The following UTP4 variants were observed in gnomAD, a reference collection of about 807,000 sequenced individuals.
The protein encoded by UTP4 is UTP4 small subunit processome component.
A neutral mutation model predicts 82.4 loss-of-function variants in UTP4; 45 were observed. The ratio of observed to expected loss-of-function variants is 0.55; its 90% CI spans 0.43 to 0.70. The LOEUF (loss-of-function observed/expected upper bound fraction) is 0.70. Among genes scored for constraint, UTP4 ranks in the 30% least tolerant of loss-of-function variants. The probability of loss-of-function intolerance (pLI) is 0.00; values close to 1 mark genes in which losing one functional copy is unlikely to be tolerated. For synonymous variants in UTP4, 348 were observed against 300.3 expected (o/e 1.16, Z -1.64); for missense variants, 819 against 858.3 (o/e 0.95, Z 0.57).
Position 69,143,233 on chromosome 16 carries a change from G to A in UTP4, c.582G>A (p.Arg194=), listed in dbSNP as rs1428981088. Residue 194 remains arginine, a synonymous_variant, in exon 6 of 17, where the codon CGG becomes CGA. Transcript: ENST00000314423. ...VDRQYMGVSK[R]KCIVWGVAFL... ...GGCAGTATATGGGCGTGTCTAAGCG[G>A]AAGTGCATCGTGTGGGGTGTCGCCT... 2 of 1,614,244 alleles carry A rather than the reference G, an allele frequency of 1.2e-6. No individual in the cohort carries two copies. Among genetic ancestry groups the A allele is most frequent in the East Asian group, 4.5e-5 (2 of 44,890 alleles).
rs189588544 is a variant in UTP4, at chr16:69,153,517, T to C, written c.1003-67T>C. 9.0e-3 allele frequency: 9,798 copies of C among 1,085,230 alleles called. 73 individuals carry two copies. Among genetic ancestry groups the C allele is most frequent in the Non-Finnish European group, 0.012 (8,428 of 709,676 alleles). 67.2% of individuals were successfully genotyped at this position (1,085,230 alleles called of 1,614,324 possible). On this transcript the variant is annotated intron_variant, in intron 8 of 16. Coordinates refer to ENST00000314423, the MANE Select transcript of UTP4 (RefSeq NM_032830.3). Reference sequence around the variant, plus strand: ...AAAAAATGTGCTAAGGTGGTGCTACTGTATCTGGTACTAAGGCAGTAGATG... The same window carrying C: ...AAAAAATGTGCTAAGGTGGTGCTACCGTATCTGGTACTAAGGCAGTAGATG...
rs78255394 is a variant in UTP4 at position 69,152,869 on chromosome 16, G to A, written c.1003-715G>A. Reference sequence around the variant, plus strand: ...AAACTCCTGGTCTCAAGCAATCCTCGCACCTCAGCCTCTCGATTGCTGGCA... The same window carrying A: ...AAACTCCTGGTCTCAAGCAATCCTCACACCTCAGCCTCTCGATTGCTGGCA... On this transcript the variant is annotated intron_variant, in intron 8 of 16. Coordinates refer to ENST00000314423, the MANE Select transcript of UTP4 (RefSeq NM_032830.3). 3.5e-3 allele frequency among the ~76,000 whole-genome samples: 526 copies of A among 151,904 alleles called. 6 individuals are homozygous for A. The highest frequency in any genetic ancestry group is 0.012 in the African/African-American group (493 of 41,400).
At chr16:69,140,785 A>G (rs567610041) in intron 5 of UTP4, among the ~76,000 whole-genome samples, 28 of 152,158 alleles carry the variant, frequency 1.8e-4, no homozygotes, top group Middle Eastern at 3.4e-3. Context: ...TTTGGTATCT[A>G]TCACTGCAGA....
At chr16:69,155,300 G>A (rs941146282) in intron 10 of UTP4, among the ~76,000 whole-genome samples, 2 of 151,752 alleles carry the variant, frequency 1.3e-5, no homozygotes, top group South Asian at 2.1e-4. Context: ...CACCCTCCCA[G>A]GTAGCTGGGA....
rs1567383445 is a variant in UTP4, at chr16:69,165,448, C to A, written c.1755C>A (p.His585Gln). 4 of 1,613,892 alleles carry A rather than the reference C, an allele frequency of 2.5e-6. No homozygotes were observed. Among genetic ancestry groups the A allele is most frequent in the Non-Finnish European group, 2.5e-6 (3 of 1,179,886 alleles). Residue 585 changes from histidine (H) to glutamine (Q), a missense_variant, in exon 15 of 17, where the codon CAC (histidine) becomes CAA (glutamine). By Grantham distance (24) the His-to-Gln change is conservative. Coordinates refer to ENST00000314423, the MANE Select transcript of UTP4 (RefSeq NM_032830.3). ...TCCAAAGGGATACTCCTATCACACA[C>A]ATCAGTTTTCATCCCAAGAGACCGA... ...LWLQRDTPIT[H>Q]ISFHPKRPMH...
intron 5 of UTP4, among the ~76,000 whole-genome samples, chr16:69,140,266 T>C (rs1168979015): frequency 6.6e-6 from 1 of 152,230 alleles, no homozygotes; most frequent in Non-Finnish European, 1.5e-5. Flanking sequence ...ATAAGATTTT[T>C]GTAGCATAAT....
intron 5 of UTP4, among the ~76,000 whole-genome samples, chr16:69,142,567 G>A (rs1475789727): frequency 6.6e-6 from 1 of 152,110 alleles, no homozygotes; most frequent in African/African-American, 2.4e-5. Context: ...AATATCTGGG[G>A]TCCCCAATTC....
intron 4 of UTP4, chr16:69,138,168 G>GTT: frequency 2.3e-6 from 1 of 428,784 alleles, no homozygotes; most frequent in East Asian, 4.3e-5. Context: ...CTTTTGTGAT[G>GTT]TTTTAACAAG....
chr16:69,164,117 C>T (rs1410345312), intron 14 of UTP4, among the ~76,000 whole-genome samples: 1 of 151,978 alleles, frequency 6.6e-6, no homozygotes, highest in Non-Finnish European at 1.5e-5. Flanking sequence ...ATCTCCTGAC[C>T]TTGTGATCCG....
intron 5 of UTP4, among the ~76,000 whole-genome samples, chr16:69,140,993 C>G (rs1293735243): frequency 6.6e-6 from 1 of 152,188 alleles, no homozygotes; most frequent in African/African-American, 2.4e-5. Flanking sequence ...GTATATACTA[C>G]TCACATAGTA....
chr16:69,158,438 A>G (rs1289479224), intron 12 of UTP4, among the ~76,000 whole-genome samples: 1 of 152,040 alleles, frequency 6.6e-6, no homozygotes, highest in African/African-American at 2.4e-5. Context: ...TGCTAGGATT[A>G]CAGGTGTGAG....
At chr16:69,138,865 C>T (rs1222494660) in intron 4 of UTP4, 1 of 151,176 alleles carries the variant, frequency 6.6e-6, no homozygotes, top group Non-Finnish European at 1.5e-5. Flanking sequence ...GGTGACCCAT[C>T]TTCTAGAATA....
At chr16:69,158,320 A>C (rs981155626) in intron 12 of UTP4, among the ~76,000 whole-genome samples, 2 of 150,456 alleles carry the variant, frequency 1.3e-5, no homozygotes, top group African/African-American at 4.9e-5. Context: ...GCATACCACC[A>C]CACCCAGCTA....
chr16:69,151,825 G>A (rs1039892740), intron 8 of UTP4, among the ~76,000 whole-genome samples: 3 of 151,642 alleles, frequency 2.0e-5, no homozygotes, highest in African/African-American at 7.3e-5. Flanking sequence ...AATTTTGTTA[G>A]TTTGTCTTTC....
At chr16:69,150,192 TG>T (rs1192281743) in intron 6 of UTP4, among the ~76,000 whole-genome samples, 1 of 152,230 alleles carries the variant, frequency 6.6e-6, no homozygotes, top group East Asian at 1.9e-4. Flanking sequence ...TGAATTTCTT[TG>T]TTAGGTTTTC....
chr16:69,154,342 C>T lies in UTP4; in HGVS notation c.1100-51C>T, dbSNP rs1345595639. The T allele has an allele frequency of 2.1e-6, 3 of 1,415,168 alleles. No homozygotes were observed. In the South Asian group the frequency reaches 3.5e-5, roughly 16 times the overall value. 87.7% of individuals were successfully genotyped at this position (1,415,168 alleles called of 1,614,324 possible). A position where few individuals can be genotyped will look rare whatever the true frequency, so the allele number is the denominator to read the frequency against. Reference sequence around the variant, plus strand: ...AGTAACTTTTTAGAAGAAAAATGTACAAATACTCTTTCTTTCATAAGAAAA... The same window carrying T: ...AGTAACTTTTTAGAAGAAAAATGTATAAATACTCTTTCTTTCATAAGAAAA... On this transcript the variant is annotated intron_variant, in intron 9 of 16. Transcript: ENST00000314423.
chr16:69,134,974 C>G (rs187746844), intron 2 of UTP4, among the ~76,000 whole-genome samples: 1 of 151,340 alleles, frequency 6.6e-6, no homozygotes, highest in African/African-American at 2.4e-5. Flanking sequence ...GGTGTGAGCC[C>G]TCATACCAGA....
At chr16:69,157,353 C>G in intron 12 of UTP4, 113 bp downstream of exon 12, 1 of 999,304 alleles carries the variant, frequency 1.0e-6, no homozygotes, top group Non-Finnish European at 1.5e-6. Context: ...CCTGCAGATA[C>G]ACTCACTCAC....
chr16:69,163,233 G>A, intron 14 of UTP4, 55 bp downstream of exon 14: 1 of 1,440,204 alleles, frequency 6.9e-7, no homozygotes, highest in Admixed American at 1.7e-5. Context: ...TAACCTAGAA[G>A]CTGGAATATT....
Sources: gnomAD v4.1 joint callset for allele counts (sites outside exome capture counted in the v4.1 genomes callset) on GRCh38, gnomAD v4.1.1 for gene constraint, MANE v1.5 for transcripts, NCBI Gene and HGNC (gene_info 2026-07-23, HGNC 2026-07-21) for gene names.